Variants in MRTFA observed in about 807,000 individuals in gnomAD.
The protein encoded by MRTFA is myocardin related transcription factor A.
A neutral mutation model predicts 83.5 loss-of-function variants in MRTFA; 20 were observed. The observed-to-expected ratio is 0.24, with a 90% CI of 0.17 to 0.35. The LOEUF is 0.35. MRTFA is among the 10% of genes least tolerant of loss of function. The probability of loss-of-function intolerance (pLI) is 1.00; values close to 1 mark genes in which losing one functional copy is unlikely to be tolerated. For synonymous variants in MRTFA, 659 were observed against 541.2 expected (o/e 1.22, Z -3.02); for missense variants, 1,200 against 1,224.7 (o/e 0.98, Z 0.30).
At chr22:40,421,950 C>T (rs985103165) in intron 9 of MRTFA, among the ~76,000 whole-genome samples, 1 of 152,180 alleles carries the variant, frequency 6.6e-6, no homozygotes, top group Non-Finnish European at 1.5e-5. Flanking sequence ...GAAGAACAGA[C>T]AAAGTGAACA....
chr22:40,412,884 C>G (rs943872099), intron 14 of MRTFA: 2 of 152,092 alleles, frequency 1.3e-5, no homozygotes, highest in Non-Finnish European at 2.9e-5. Context: ...GTCTGTAATC[C>G]CAGCACTTTG....
At chr22:40,498,141 CA>C (rs34560587) in intron 3 of MRTFA, among the ~76,000 whole-genome samples, 3 of 148,434 alleles carry the variant, frequency 2.0e-5, no homozygotes, top group Non-Finnish European at 4.5e-5. Flanking sequence ...GACCCTGTGT[CA>C]AAAAAAAGAA....
intron 9 of MRTFA, among the ~76,000 whole-genome samples, chr22:40,421,309 G>A (rs1350591412): frequency 6.6e-6 from 1 of 152,152 alleles, no homozygotes; most frequent in African/African-American, 2.4e-5. Context: ...GAGTGACAAA[G>A]AGGGCTATGC....
intron 1 of MRTFA, among the ~76,000 whole-genome samples, chr22:40,603,402 T>A (rs568508056): frequency 6.6e-6 from 1 of 151,944 alleles, no homozygotes; most frequent in Non-Finnish European, 1.5e-5. Context: ...GACATAGGAG[T>A]TTTTTCTTAT....
chr22:40,557,355 T>C (rs975300816), intron 2 of MRTFA, among the ~76,000 whole-genome samples: 4 of 152,204 alleles, frequency 2.6e-5, no homozygotes, highest in African/African-American at 9.7e-5. Flanking sequence ...TGGTTTCATA[T>C]AAAAAGTTCT....
chr22:40,456,925 T>A (rs117454168), intron 4 of MRTFA, among the ~76,000 whole-genome samples: 2,110 of 152,326 alleles, frequency 0.014, 24 homozygotes, highest in Non-Finnish European at 0.022. Flanking sequence ...TCCATTTTTT[T>A]AAAAAATTTA....
At chr22:40,470,229 TTTTATATATATATATATATATATATA>T (rs1472719729) in intron 3 of MRTFA, among the ~76,000 whole-genome samples, 1,123 of 58,754 alleles carry the variant, frequency 0.019, 55 homozygotes, top group Middle Eastern at 0.17. Context: ...ATCTCCAAAA[TTTTATATATATATATATATATATATA>T]TATATATATA....
chr22:40,634,761 C>G (rs1408582340), intron 1 of MRTFA, among the ~76,000 whole-genome samples: 1 of 152,194 alleles, frequency 6.6e-6, no homozygotes, highest in Non-Finnish European at 1.5e-5. Flanking sequence ...GTGACCCAAA[C>G]TTTATGGTTT....
intron 3 of MRTFA, among the ~76,000 whole-genome samples, chr22:40,505,622 T>G (rs768085250): frequency 1.3e-5 from 2 of 152,244 alleles, no homozygotes; most frequent in African/African-American, 2.4e-5. Context: ...TAAAAGATGA[T>G]TAGGCTATGA....
intron 14 of MRTFA, among the ~76,000 whole-genome samples, chr22:40,414,513 G>T (rs887630041): frequency 1.3e-5 from 2 of 152,176 alleles, no homozygotes; most frequent in Admixed American, 6.5e-5. Flanking sequence ...AGAATGTGGT[G>T]AATCCACACT....
At chr22:40,583,965 T>TA (rs2055986845) in intron 2 of MRTFA, among the ~76,000 whole-genome samples, 1 of 152,204 alleles carries the variant, frequency 6.6e-6, no homozygotes, top group Non-Finnish European at 1.5e-5. Flanking sequence ...ATGTGGTATA[T>TA]ATAGTATTTG....
At chr22:40,419,537 C>A (rs1416027299) in intron 11 of MRTFA, among the ~76,000 whole-genome samples, 153 bp from the exon 12 acceptor site, 1 of 152,154 alleles carries the variant, frequency 6.6e-6, no homozygotes, top group Non-Finnish European at 1.5e-5. Context: ...CCCCCCACCA[C>A]CTGAGCCAAC....
At chr22:40,467,802 A>G (rs1027875647) in intron 3 of MRTFA, among the ~76,000 whole-genome samples, 10 of 152,188 alleles carry the variant, frequency 6.6e-5, no homozygotes, top group Non-Finnish European at 1.5e-5. Flanking sequence ...AAAAATATTT[A>G]TTTGTATACA....
At chr22:40,614,411 CAAA>C (rs373173040) in intron 1 of MRTFA, among the ~76,000 whole-genome samples, 1 of 108,588 alleles carries the variant, frequency 9.2e-6, no homozygotes. Context: ...ACCCTGTCTC[CAAA>C]AAAAAAAAAA....
chr22:40,566,555 GCATGGTGGCTCATGCCTGTAATCCAAGCA>G (rs2147337805), intron 2 of MRTFA, among the ~76,000 whole-genome samples: 1 of 152,164 alleles, frequency 6.6e-6, no homozygotes, highest in African/African-American at 2.4e-5. Flanking sequence ...TGAGGGCTGG[GCATGGTGGCTCATGCCTGTAATCCAAGCA>G]CTTTGGGAGG....
intron 3 of MRTFA, among the ~76,000 whole-genome samples, chr22:40,495,420 C>T: frequency 6.7e-6 from 1 of 149,092 alleles, no homozygotes. Flanking sequence ...CCACTGCACT[C>T]CAGCCTGGGC....
At chr22:40,434,477 T>C (rs1476809832) in intron 5 of MRTFA, among the ~76,000 whole-genome samples, 2 of 151,824 alleles carry the variant, frequency 1.3e-5, no homozygotes, top group African/African-American at 4.8e-5. Flanking sequence ...ATCCCAGGAC[T>C]TTGGAAGGGC....
At chr22:40,437,705 G>C (rs1416888385) in intron 4 of MRTFA, among the ~76,000 whole-genome samples, 1 of 151,028 alleles carries the variant, frequency 6.6e-6, no homozygotes, top group African/African-American at 2.4e-5. Flanking sequence ...AGAGGTTGCA[G>C]TGCGCCAAGA....
chr22:40,624,186 G>A (rs1346802764), intron 1 of MRTFA, among the ~76,000 whole-genome samples: 1 of 152,146 alleles, frequency 6.6e-6, no homozygotes, highest in Non-Finnish European at 1.5e-5. Flanking sequence ...CACTTTGGGA[G>A]GCCGAGGTGG....
Sources: allele counts gnomAD v4.1 joint callset (sites outside exome capture counted in the v4.1 genomes callset), GRCh38; gene constraint gnomAD v4.1.1; transcripts MANE v1.5; gene names NCBI Gene and HGNC (gene_info 2026-07-23, HGNC 2026-07-21).